Variants in RFX3 observed in about 807,000 individuals in gnomAD.
RFX3 encodes the protein regulatory factor X3.
In RFX3, 14 loss-of-function variants were observed where a neutral mutation model predicts 98.6. That is an observed-to-expected ratio of 0.14 (90% confidence interval 0.09 to 0.22). The LOEUF is 0.22. Ranked by LOEUF, RFX3 falls within the 10% of genes least tolerant of loss-of-function variation. The probability of loss-of-function intolerance (pLI) is 1.00; values close to 1 mark genes in which losing one functional copy is unlikely to be tolerated. For synonymous variants in RFX3, 383 were observed against 328.4 expected (o/e 1.17, Z -1.80); for missense variants, 639 against 926.9 (o/e 0.69, Z 4.03).
In RFX3 at chr9:3,220,967, C is replaced by T. The variant is rs1817315789; in HGVS notation, c.*4075G>A. The T allele has an allele frequency of 1.3e-5, 2 of 152,158 alleles. No individual in the cohort carries two copies. The highest frequency in any genetic ancestry group is 1.3e-4 in the Admixed American group (2 of 15,262). The allele number at this position is 152,158 out of a possible 1,614,324, so 9.4% of individuals were successfully genotyped here. On this transcript the variant is annotated 3_prime_UTR_variant, in exon 17 of 17. Transcript: ENST00000617270. Reference sequence around the variant, plus strand: ...ACAGCACTGCATGCCAATCCTCCTCCCCCATGATCTGCTGTGATTCATACA... The same window carrying T: ...ACAGCACTGCATGCCAATCCTCCTCTCCCATGATCTGCTGTGATTCATACA...
intron 1 of RFX3, among the ~76,000 whole-genome samples, chr9:3,516,150 A>G (rs1392374429): frequency 6.6e-6 from 1 of 151,858 alleles, no homozygotes; most frequent in Non-Finnish European, 1.5e-5. Context: ...CTGTATTCAC[A>G]CCATTCTCTC....
chr9:3,433,627 G>A (rs764289779), intron 1 of RFX3, among the ~76,000 whole-genome samples: 8 of 152,170 alleles, frequency 5.3e-5, no homozygotes, highest in South Asian at 2.1e-4. Context: ...AGGGTCAACT[G>A]TATTTCATTT....
At chr9:3,307,804 G>T (rs1415223163) in intron 4 of RFX3, among the ~76,000 whole-genome samples, 2 of 152,170 alleles carry the variant, frequency 1.3e-5, no homozygotes, top group African/African-American at 4.8e-5. Context: ...ACATTAACAA[G>T]AGGCCTTGTG....
intron 1 of RFX3, among the ~76,000 whole-genome samples, chr9:3,473,066 A>T (rs1011398934): frequency 1.3e-5 from 2 of 152,202 alleles, no homozygotes; most frequent in African/African-American, 4.8e-5. Context: ...CTGAGGAGCA[A>T]CAGTTTCGAT....
At chr9:3,389,040 T>C (rs1173628317) in intron 2 of RFX3, among the ~76,000 whole-genome samples, 4 of 152,130 alleles carry the variant, frequency 2.6e-5, no homozygotes, top group Non-Finnish European at 5.9e-5. Flanking sequence ...ATGGTCAAGA[T>C]GGCTTAGAAA....
At chr9:3,293,870 CA>C (rs1167630843) in intron 5 of RFX3, among the ~76,000 whole-genome samples, 1 of 152,088 alleles carries the variant, frequency 6.6e-6, no homozygotes, top group East Asian at 1.9e-4. Flanking sequence ...AAGACATTGG[CA>C]AAGAGTTTAC....
Position 3,228,899 on chromosome 9 carries a change from AAT to A in RFX3, c.1969-12_1969-11del, listed in dbSNP as rs1818113556. ...CATTTAAATCACCAAACTGCAAAAC[AAT>A]AGTCATTTGTGCAATAGTTAATATA... On this transcript the variant is annotated splice_polypyrimidine_tract_variant and intron_variant, in intron 15 of 16. Transcript: ENST00000617270. 1 of 1,610,100 alleles carries A rather than the reference AAT, an allele frequency of 6.2e-7. No individual in the cohort carries two copies. The highest frequency in any genetic ancestry group is 8.5e-7 in the Non-Finnish European group (1 of 1,178,186).
chr9:3,427,581 T>A (rs1176179868), intron 1 of RFX3, among the ~76,000 whole-genome samples: 2 of 151,216 alleles, frequency 1.3e-5, no homozygotes, highest in African/African-American at 4.9e-5. Flanking sequence ...TAATCTTTGT[T>A]CTCAGGCAGT....
intron 3 of RFX3, among the ~76,000 whole-genome samples, chr9:3,345,901 G>A (rs369325203): frequency 2.0e-5 from 3 of 152,148 alleles, no homozygotes; most frequent in African/African-American, 7.2e-5. Context: ...AAAGACAGCA[G>A]AGGTTATCAT....
chr9:3,342,594 G>A (rs920070300), intron 3 of RFX3, among the ~76,000 whole-genome samples: 2 of 151,680 alleles, frequency 1.3e-5, no homozygotes, highest in East Asian at 3.9e-4. Flanking sequence ...TTTCCACTTC[G>A]ACTAGCATGA....
chr9:3,501,977 C>T (rs1456874884), intron 1 of RFX3, among the ~76,000 whole-genome samples: 1 of 151,866 alleles, frequency 6.6e-6, no homozygotes, highest in East Asian at 2.0e-4. Context: ...TTCGGCCAGG[C>T]GCGGTGGCTC....
chr9:3,238,434 G>T (rs1486999919), intron 15 of RFX3, among the ~76,000 whole-genome samples: 1 of 152,206 alleles, frequency 6.6e-6, no homozygotes, highest in Admixed American at 6.5e-5. Context: ...TGTGTTTGCT[G>T]GAATGGGGGT....
At chr9:3,300,600 T>C (rs1025202271) in intron 5 of RFX3, among the ~76,000 whole-genome samples, 4 of 151,940 alleles carry the variant, frequency 2.6e-5, no homozygotes, top group African/African-American at 7.2e-5. Flanking sequence ...AGTTATAAAA[T>C]ATGAAAAAGA....
intron 1 of RFX3, among the ~76,000 whole-genome samples, chr9:3,444,257 G>T (rs889230334): frequency 6.6e-6 from 1 of 152,102 alleles, no homozygotes; most frequent in Non-Finnish European, 1.5e-5. Flanking sequence ...ACCATTACAG[G>T]CAACAATATA....
At chr9:3,409,851 G>A (rs905137112) in intron 1 of RFX3, among the ~76,000 whole-genome samples, 5 of 151,806 alleles carry the variant, frequency 3.3e-5, no homozygotes, top group African/African-American at 4.8e-5. Context: ...ATTTCACAGA[G>A]AAACTGAGAA....
At chr9:3,461,513 G>A (rs533818572) in intron 1 of RFX3, among the ~76,000 whole-genome samples, 1 of 151,956 alleles carries the variant, frequency 6.6e-6, no homozygotes, top group Non-Finnish European at 1.5e-5. Flanking sequence ...AAGAACTACT[G>A]CATGTTCAAG....
chr9:3,452,983 A>G (rs924972252), intron 1 of RFX3, among the ~76,000 whole-genome samples: 1 of 152,226 alleles, frequency 6.6e-6, no homozygotes, highest in Non-Finnish European at 1.5e-5. Flanking sequence ...AAAGCAACTT[A>G]GGATGGAACA....
At chr9:3,257,459 A>AT (rs1822287293) in intron 13 of RFX3, among the ~76,000 whole-genome samples, 1 of 152,206 alleles carries the variant, frequency 6.6e-6, no homozygotes, top group Non-Finnish European at 1.5e-5. Context: ...GTTTTTCTAC[A>AT]TTAACTAGTC....
chr9:3,336,235 T>C (rs944555023), intron 3 of RFX3, among the ~76,000 whole-genome samples: 3 of 152,184 alleles, frequency 2.0e-5, no homozygotes, highest in East Asian at 1.9e-4. Context: ...CTACTCTGCA[T>C]ACATTCTTTT....
Sources: allele counts gnomAD v4.1 joint callset (sites outside exome capture counted in the v4.1 genomes callset), GRCh38; gene constraint gnomAD v4.1.1; transcripts MANE v1.5; gene names NCBI Gene and HGNC (gene_info 2026-07-23, HGNC 2026-07-21).